The following GNAO1 variants were observed in gnomAD, a reference collection of about 807,000 sequenced individuals.
GNAO1 encodes G protein subunit alpha o1.
For synonymous variants in GNAO1, 164 were observed against 180.7 expected (o/e 0.91, Z 0.74); for missense variants, 166 against 478.7 (o/e 0.35, Z 6.10).
At chr16:56,290,513 A>T (rs2037220297) in intron 3 of GNAO1, among the ~76,000 whole-genome samples, 1 of 152,216 alleles carries the variant, frequency 6.6e-6, no homozygotes, top group African/African-American at 2.4e-5. Context: ...GGTAGTTAAA[A>T]TCAGATCCTG....
chr16:56,204,006 A>G (rs1210035112), intron 2 of GNAO1, among the ~76,000 whole-genome samples: 1 of 152,222 alleles, frequency 6.6e-6, no homozygotes, highest in African/African-American at 2.4e-5. Context: ...GCTTTAGAGC[A>G]AAGAGATTTC....
Position 56,354,908 on chromosome 16 carries a change from A to G in GNAO1, c.920A>G (p.Gln307Arg). The change falls in exon 8 of 9, where the codon CAA (glutamine) becomes CGA (arginine). Residue 307 changes from glutamine to arginine, a missense_variant. Physicochemically the swap from Gln to Arg is conservative, Grantham distance 43. Transcript: ENST00000262493. The surrounding 1 kb of genome is among the most constrained non-coding windows in gnomAD (Gnocchi z 4.3). ...GACGCAGCCGCCTACATCCAAGCAC[A>G]ATTTGAAAGCAAAAACCGCTCACCC... Reference protein sequence around the residue: ...YEDAAAYIQAQFESKNRSPNK... With the variant: ...YEDAAAYIQARFESKNRSPNK... 6.2e-7 allele frequency: 1 copy of G among 1,613,636 alleles called. No individual in the cohort carries two copies. Among genetic ancestry groups the G allele is most frequent in the Non-Finnish European group, 8.5e-7 (1 of 1,179,702 alleles).
At chr16:56,253,941 C>T (rs995845550) in intron 2 of GNAO1, among the ~76,000 whole-genome samples, 54 of 152,176 alleles carry the variant, frequency 3.5e-4, no homozygotes, top group Admixed American at 3.0e-3. Context: ...CCAGTGTACA[C>T]GGGGCATTTT....
At chr16:56,206,826 G>A (rs1356344683) in intron 2 of GNAO1, among the ~76,000 whole-genome samples, 1 of 152,226 alleles carries the variant, frequency 6.6e-6, no homozygotes, top group Non-Finnish European at 1.5e-5. Context: ...CGGTTGCACA[G>A]TCCAAGCCAT....
chr16:56,266,338 G>GC (rs1349270755), intron 2 of GNAO1, among the ~76,000 whole-genome samples: 1 of 152,200 alleles, frequency 6.6e-6, no homozygotes, highest in East Asian at 1.9e-4. Context: ...CAAGGAAGCA[G>GC]CCTTTATGCC....
chr16:56,234,135 G>A (rs1207965579), intron 2 of GNAO1, among the ~76,000 whole-genome samples: 1 of 152,244 alleles, frequency 6.6e-6, no homozygotes, highest in East Asian at 1.9e-4. Flanking sequence ...GCCAGCATTA[G>A]CTATTTTTAA....
chr16:56,285,452 C>A (rs1476698476), intron 3 of GNAO1, among the ~76,000 whole-genome samples: 1 of 152,144 alleles, frequency 6.6e-6, no homozygotes, highest in Non-Finnish European at 1.5e-5. Flanking sequence ...CTGACCGCCT[C>A]CCCTCTGGAG....
intron 2 of GNAO1, among the ~76,000 whole-genome samples, chr16:56,224,880 A>AAC (rs1240172824): frequency 4.6e-5 from 7 of 152,236 alleles, no homozygotes; most frequent in African/African-American, 1.7e-4. Flanking sequence ...ATAAGGTCTC[A>AAC]AACAATCCTC....
intron 2 of GNAO1, among the ~76,000 whole-genome samples, chr16:56,264,726 G>C (rs1391954564): frequency 6.7e-6 from 1 of 148,952 alleles, no homozygotes; most frequent in South Asian, 2.1e-4. Flanking sequence ...TTTTAATATA[G>C]TATTAAAAAT....
chr16:56,233,584 G>A (rs1379812678), intron 2 of GNAO1, among the ~76,000 whole-genome samples: 2 of 152,186 alleles, frequency 1.3e-5, no homozygotes, highest in Non-Finnish European at 2.9e-5. Context: ...GTGATTTCCT[G>A]GAAGGTGGCA....
intron 2 of GNAO1, among the ~76,000 whole-genome samples, chr16:56,248,708 G>A (rs1210814560): frequency 6.6e-6 from 1 of 152,192 alleles, no homozygotes; most frequent in East Asian, 1.9e-4. Context: ...GAGTGTTCTA[G>A]GCAGAAGAAA....
chr16:56,217,205 C>T lies in GNAO1; in HGVS notation c.161+24589C>T, dbSNP rs572598679. On this transcript the variant is annotated intron_variant, in intron 2 of 8. Coordinates refer to ENST00000262493, the MANE Select transcript of GNAO1 (RefSeq NM_020988.3). The stretch of plus-strand genomic sequence containing the variant: ...GAGTTTTCCTAATAAATAAAGGTCC[C>T]TGTGACATGTTCTTGCCTTCAGAGT... Among the ~76,000 whole-genome samples, 6 of 152,322 alleles carry T rather than the reference C, an allele frequency of 3.9e-5. No individual in the cohort carries two copies. In the South Asian group the frequency reaches 6.2e-4, roughly 16 times the overall value.
At chr16:56,251,264 C>G (rs533747534) in intron 2 of GNAO1, among the ~76,000 whole-genome samples, 1 of 152,326 alleles carries the variant, frequency 6.6e-6, no homozygotes, top group African/African-American at 2.4e-5. Flanking sequence ...GGCCTTTGAA[C>G]CTGGGACTTG....
chr16:56,302,095 A>T (rs1232685238), intron 3 of GNAO1: 1 of 152,330 alleles, frequency 6.6e-6, no homozygotes, highest in Admixed American at 6.5e-5. Context: ...TACAGCTCAC[A>T]ATCTACTTCA....
intron 3 of GNAO1, chr16:56,307,247 C>A (rs1271611104): frequency 6.6e-6 from 1 of 152,220 alleles, no homozygotes; most frequent in African/African-American, 2.4e-5. Context: ...GGCCAGCTCC[C>A]TCCTTCCCAG....
At chr16:56,347,786 C>A in intron 6 of GNAO1, 1 of 890,004 alleles carries the variant, frequency 1.1e-6, no homozygotes, top group Non-Finnish European at 1.3e-6. Flanking sequence ...CCCTTTCCCT[C>A]CTCTCCCCTC....
chr16:56,234,368 G>A (rs2036617833), intron 2 of GNAO1, among the ~76,000 whole-genome samples: 1 of 152,260 alleles, frequency 6.6e-6, no homozygotes, highest in South Asian at 2.1e-4. Flanking sequence ...CTCATGGTTG[G>A]TGGGGTGGGG....
rs78066662 is a variant in GNAO1 at position 56,336,082 on chromosome 16, G to A, written c.594-649G>A. Among the ~76,000 whole-genome samples the A allele has an allele frequency of 2.3e-3, 350 of 152,272 alleles. 6 individuals are homozygous for A. Among genetic ancestry groups the A allele is most frequent in the Admixed American group, 6.3e-3 (96 of 15,306 alleles). On this transcript the variant is annotated intron_variant, in intron 5 of 8. Transcript: ENST00000262493. Reference sequence around the variant, plus strand: ...GAGACTGACCTTTTACTTCCAGGACGTAAGTCCCACCTGCCCACAGTCTCT... The same window carrying A: ...GAGACTGACCTTTTACTTCCAGGACATAAGTCCCACCTGCCCACAGTCTCT...
intron 6 of GNAO1, chr16:56,346,529 G>A: frequency 1.0e-6 from 1 of 985,442 alleles, no homozygotes; most frequent in Non-Finnish European, 1.2e-6. Flanking sequence ...ACCAGGTCTT[G>A]GCCTTCCCTC....
Sources: allele counts gnomAD v4.1 joint callset (sites outside exome capture counted in the v4.1 genomes callset), GRCh38; gene constraint gnomAD v4.1.1; non-coding constraint Gnocchi (gnomAD v3.1); transcripts MANE v1.5; gene names NCBI Gene and HGNC (gene_info 2026-07-23, HGNC 2026-07-21).